CCBE1: variants seen among roughly 807,000 people sequenced by gnomAD.
CCBE1 encodes the protein collagen and calcium binding EGF domains 1.
CCBE1 carries 37 observed loss-of-function variants against 50.0 expected under a neutral mutation model. The ratio of observed to expected loss-of-function variants is 0.74; its 90% CI spans 0.57 to 0.97. The LOEUF is 0.97. Ranked by LOEUF, CCBE1 falls within the 50% of genes least tolerant of loss-of-function variation. The probability of loss-of-function intolerance (pLI) is 0.00; values close to 1 mark genes in which losing one functional copy is unlikely to be tolerated. For missense variants in CCBE1, 538 were observed against 523.8 expected (o/e 1.03, Z -0.26); for synonymous variants, 234 against 203.7 (o/e 1.15, Z -1.27).
At chr18:59,620,445 A>G (rs2053697436) in intron 2 of CCBE1, among the ~76,000 whole-genome samples, 1 of 152,164 alleles carries the variant, frequency 6.6e-6, no homozygotes, top group Non-Finnish European at 1.5e-5. Context: ...TCTTAGAATG[A>G]GTTATTTTTG....
chr18:59,651,759 C>A (rs546717603), intron 2 of CCBE1, among the ~76,000 whole-genome samples: 1 of 152,248 alleles, frequency 6.6e-6, no homozygotes, highest in Admixed American at 6.5e-5. Context: ...GGCACTGGGC[C>A]CCACCTTGTA....
chr18:59,606,366 G>GCA (rs1196827578), intron 2 of CCBE1, among the ~76,000 whole-genome samples: 7 of 152,290 alleles, frequency 4.6e-5, no homozygotes, highest in African/African-American at 1.7e-4. Flanking sequence ...AAACCGCAAA[G>GCA]CACATGCTTG....
At chr18:59,598,901 C>G (rs573753211) in intron 2 of CCBE1, among the ~76,000 whole-genome samples, 7 of 152,308 alleles carry the variant, frequency 4.6e-5, no homozygotes, top group African/African-American at 1.7e-4. Flanking sequence ...ACAATTCATG[C>G]AAACCATTCC....
intron 2 of CCBE1, among the ~76,000 whole-genome samples, chr18:59,585,015 G>A (rs984769725): frequency 1.1e-4 from 17 of 152,068 alleles, no homozygotes; most frequent in Admixed American, 9.8e-4. Context: ...CAACACACAT[G>A]TTCTGCCCTT....
chr18:59,578,437 C>G (rs2053032722), intron 2 of CCBE1, among the ~76,000 whole-genome samples: 1 of 152,084 alleles, frequency 6.6e-6, no homozygotes, highest in Non-Finnish European at 1.5e-5. Flanking sequence ...CCCAGCAATC[C>G]CATTACTGGG....
Position 59,536,693 on chromosome 18 carries a change from A to G in CCBE1, c.213-56455T>C, listed in dbSNP as rs181289905. On this transcript the variant is annotated intron_variant, in intron 2 of 10. Transcript: ENST00000439986. Reference sequence around the variant, plus strand: ...CCATTTCTTGACACTAAGTCAAGAAAATAAAGGAACATTTGGCTGGGCGCA... The same window carrying G: ...CCATTTCTTGACACTAAGTCAAGAAGATAAAGGAACATTTGGCTGGGCGCA... 1.7e-3 allele frequency among the ~76,000 whole-genome samples: 255 copies of G among 152,318 alleles called. 2 individuals are homozygous for G. The highest frequency in any genetic ancestry group is 5.9e-3 in the African/African-American group (244 of 41,568).
intron 2 of CCBE1, among the ~76,000 whole-genome samples, chr18:59,526,249 GGTTT>G (rs1336220550): frequency 1.3e-5 from 2 of 151,240 alleles, no homozygotes; most frequent in Non-Finnish European, 2.9e-5. Context: ...CTAGCTTTGG[GGTTT>G]GTTTGCTTTT....
At chr18:59,466,112 T>G (rs1468336770) in intron 5 of CCBE1, among the ~76,000 whole-genome samples, 1 of 152,112 alleles carries the variant, frequency 6.6e-6, no homozygotes, top group Non-Finnish European at 1.5e-5. Context: ...ATATATGTTA[T>G]ATATATTACA....
intron 2 of CCBE1, among the ~76,000 whole-genome samples, chr18:59,507,897 C>CTT (rs113598829): frequency 3.8e-4 from 54 of 143,908 alleles, no homozygotes; most frequent in East Asian, 6.1e-4. Flanking sequence ...CTTTCTTTTC[C>CTT]TTTTTTTTTT....
intron 2 of CCBE1, among the ~76,000 whole-genome samples, chr18:59,680,495 A>G (rs917745916): frequency 6.6e-6 from 1 of 151,842 alleles, no homozygotes; most frequent in Admixed American, 6.6e-5. Flanking sequence ...TCAGGAGATC[A>G]AGACCATGCT....
intron 2 of CCBE1, among the ~76,000 whole-genome samples, chr18:59,609,691 C>A (rs1255530690): frequency 6.6e-6 from 1 of 152,196 alleles, no homozygotes; most frequent in Non-Finnish European, 1.5e-5. Flanking sequence ...CCAATCCATT[C>A]TTCATGTGTT....
At chr18:59,591,637 GA>G (rs2053271065) in intron 2 of CCBE1, among the ~76,000 whole-genome samples, 1 of 152,154 alleles carries the variant, frequency 6.6e-6, no homozygotes, top group African/African-American at 2.4e-5. Flanking sequence ...TGGCAAAAAT[GA>G]AAGAGCTCGA....
chr18:59,580,633 C>T (rs143986687), intron 2 of CCBE1, among the ~76,000 whole-genome samples: 34 of 152,240 alleles, frequency 2.2e-4, no homozygotes, highest in African/African-American at 7.9e-4. Flanking sequence ...CAAGGGAGTC[C>T]CCAAAATGTA....
intron 2 of CCBE1, among the ~76,000 whole-genome samples, chr18:59,678,948 A>G (rs2054547565): frequency 6.6e-6 from 1 of 152,266 alleles, no homozygotes; most frequent in South Asian, 2.1e-4. Flanking sequence ...CTCTAAACAT[A>G]AAAGTAAAAT....
At chr18:59,660,272 T>A (rs2144686863) in intron 2 of CCBE1, among the ~76,000 whole-genome samples, 1 of 152,266 alleles carries the variant, frequency 6.6e-6, no homozygotes, top group African/African-American at 2.4e-5. Context: ...ACAGAAAATA[T>A]AAAAATAAGT....
At position 59,469,526 on chromosome 18, in the gene CCBE1, C is replaced by A; in HGVS notation, c.347G>T (p.Gly116Val). The change falls in exon 4 of 11, where the codon GGA becomes GTA. Residue 116 changes from glycine (G) to valine (V), a missense_variant. By Grantham distance (109) the Gly-to-Val change is moderately radical. Transcript: ENST00000439986. ...FGRVLCTCYP[G>V]YRYDRERHRK... is the part of the protein sequence containing the mutation. Reference sequence around the variant, plus strand: ...GTGTCTCTCCCGGTCATATCGGTATCCCGGATAACAAGTACACAGCACTCG... The same window carrying A: ...GTGTCTCTCCCGGTCATATCGGTATACCGGATAACAAGTACACAGCACTCG... The A allele has an allele frequency of 1.9e-6, 3 of 1,614,208 alleles. No individual in the cohort carries two copies. Among genetic ancestry groups the A allele is most frequent in the African/African-American group, 2.7e-5 (2 of 75,068 alleles).
chr18:59,650,446 G>C (rs1050916760), intron 2 of CCBE1, among the ~76,000 whole-genome samples: 3 of 151,320 alleles, frequency 2.0e-5, no homozygotes, highest in African/African-American at 7.3e-5. Context: ...CGATCCCATG[G>C]GAAACTCCCA....
intron 2 of CCBE1, among the ~76,000 whole-genome samples, chr18:59,567,687 T>C (rs1568210692): frequency 6.6e-6 from 1 of 152,194 alleles, no homozygotes; most frequent in East Asian, 1.9e-4. Context: ...GCTGATGATA[T>C]CCTACGTTCT....
chr18:59,555,364 C>T (rs2052641458), intron 2 of CCBE1, among the ~76,000 whole-genome samples: 1 of 152,166 alleles, frequency 6.6e-6, no homozygotes, highest in Admixed American at 6.5e-5. Context: ...GCCCCAAGAC[C>T]TACATCTTTG....
Sources: allele counts gnomAD v4.1 joint callset (sites outside exome capture counted in the v4.1 genomes callset), GRCh38; gene constraint gnomAD v4.1.1; transcripts MANE v1.5; gene names NCBI Gene and HGNC (gene_info 2026-07-23, HGNC 2026-07-21).